The following NCOR2 variants were observed in gnomAD, a reference collection of about 807,000 sequenced individuals.
NCOR2 encodes the protein nuclear receptor corepressor 2.
In NCOR2, 81 loss-of-function variants were observed where a neutral mutation model predicts 262.9. The ratio of observed to expected loss-of-function variants is 0.31; its 90% CI spans 0.26 to 0.37. The LOEUF (loss-of-function observed/expected upper bound fraction) is 0.37, where lower values mean the gene tolerates loss of function less well. NCOR2 is among the 10% of genes least tolerant of loss of function. The pLI is 1.00. For synonymous variants in NCOR2, 1,659 were observed against 1,559.3 expected (o/e 1.06, Z -1.51); for missense variants, 3,385 against 3,621.4 (o/e 0.93, Z 1.68).
chr12:124,475,666 G>A (rs553572933), intron 3 of NCOR2, among the ~76,000 whole-genome samples: 3 of 152,370 alleles, frequency 2.0e-5, no homozygotes, highest in South Asian at 4.1e-4. Flanking sequence ...GCTGGAGTTT[G>A]CTGGCCTCCT....
exon 36 of NCOR2, chr12:124,340,325 C>A: frequency 1.2e-6 from 2 of 1,612,510 alleles, no homozygotes; most frequent in East Asian, 4.5e-5. Context: ...GCTCCACCGT[C>A]GTGGTGGACG....
chr12:124,451,295 T>A (rs2045516067), intron 6 of NCOR2, among the ~76,000 whole-genome samples: 1 of 152,182 alleles, frequency 6.6e-6, no homozygotes, highest in Admixed American at 6.5e-5. Flanking sequence ...TCAGCTGCCT[T>A]CCAGACAGGT....
At chr12:124,433,187 T>C (rs1353452596) in intron 8 of NCOR2, among the ~76,000 whole-genome samples, 2 of 152,130 alleles carry the variant, frequency 1.3e-5, no homozygotes, top group Admixed American at 1.3e-4. Context: ...ATGCAGGCTG[T>C]GCCAGGAACG....
chr12:124,489,946 T>G (rs1487175550), intron 1 of NCOR2, among the ~76,000 whole-genome samples: 1 of 152,110 alleles, frequency 6.6e-6, no homozygotes, highest in African/African-American at 2.4e-5. Context: ...AGGGAATGCC[T>G]GGGATTGCAC....
chr12:124,341,093 T>G (rs568865089), intron 34 of NCOR2, among the ~76,000 whole-genome samples: 3 of 152,350 alleles, frequency 2.0e-5, no homozygotes, highest in South Asian at 4.1e-4. Flanking sequence ...AATACTTAAG[T>G]GTGACTTCAG....
intron 13 of NCOR2, among the ~76,000 whole-genome samples, chr12:124,410,744 CA>C (rs2042532139): frequency 1.3e-5 from 2 of 152,170 alleles, no homozygotes; most frequent in Admixed American, 1.3e-4. Flanking sequence ...CCCTGAATAC[CA>C]ACACCCACCG....
intron 1 of NCOR2, among the ~76,000 whole-genome samples, chr12:124,525,345 G>A (rs1050535114): frequency 2.6e-5 from 4 of 152,164 alleles, no homozygotes; most frequent in African/African-American, 9.7e-5. Flanking sequence ...CCTAAAATGA[G>A]TCCCCCGAAA....
intron 1 of NCOR2, among the ~76,000 whole-genome samples, chr12:124,544,601 T>G (rs1359971711): frequency 6.6e-6 from 1 of 152,042 alleles, no homozygotes; most frequent in Non-Finnish European, 1.5e-5. Flanking sequence ...CCGCCCCCAC[T>G]CAAACCCCCA....
intron 13 of NCOR2, among the ~76,000 whole-genome samples, chr12:124,416,771 C>T (rs2042896031): frequency 2.7e-5 from 4 of 145,726 alleles, no homozygotes; most frequent in Admixed American, 2.7e-4. Flanking sequence ...GGAGTCCCCG[C>T]AGCACAGATA....
Position 124,531,077 on chromosome 12 carries a change from G to A in NCOR2, c.-118+4488C>T, listed in dbSNP as rs2050748138. ...CCAACCCGCCTCTCCCAGGGAAGCA[G>A]GGACAAAAGGATGGGGCCCTGTGGG... On this transcript the variant is annotated intron_variant, in intron 1 of 46. Transcript: ENST00000404621. This position sits in a 1 kb window ranked among gnomAD's most constrained non-coding sequence, Gnocchi z 4.5. 6.6e-6 allele frequency among the ~76,000 whole-genome samples: 1 copy of A among 152,240 alleles called. No individual in the cohort carries two copies. The highest frequency in any genetic ancestry group is 1.5e-5 in the Non-Finnish European group (1 of 68,040).
rs1277479379 is a variant in NCOR2, at chr12:124,531,528, G to A, written c.-118+4037C>T. ...GAGGGGTAGGGAGCAGGAAGGAAGG[G>A]GGAGGGGAGGAAGGGATTGCAGGGA... is the stretch of plus-strand genomic sequence containing the variant. On this transcript the variant is annotated intron_variant, in intron 1 of 46. Transcript: ENST00000404621. This position sits in a 1 kb window ranked among gnomAD's most constrained non-coding sequence, Gnocchi z 4.5. Among the ~76,000 whole-genome samples, 1 of 152,188 alleles carries A rather than the reference G, an allele frequency of 6.6e-6. No homozygotes were observed. Among genetic ancestry groups the A allele is most frequent in the Non-Finnish European group, 1.5e-5 (1 of 68,024 alleles).
intron 14 of NCOR2, among the ~76,000 whole-genome samples, chr12:124,401,745 T>C (rs920830936): frequency 3.3e-5 from 5 of 152,364 alleles, no homozygotes; most frequent in South Asian, 2.1e-4. Flanking sequence ...TTCCCATTCA[T>C]CTTCCTGAAA....
chr12:124,479,348 A>G (rs2047286627), intron 3 of NCOR2, among the ~76,000 whole-genome samples: 1 of 151,416 alleles, frequency 6.6e-6, no homozygotes, highest in Middle Eastern at 3.2e-3. Flanking sequence ...ACACACATAC[A>G]CACGTGCAAC....
chr12:124,499,940 G>T (rs12322603), upstream of NCOR2, among the ~76,000 whole-genome samples: 1 of 152,054 alleles, frequency 6.6e-6, no homozygotes, highest in Non-Finnish European at 1.5e-5. Flanking sequence ...ATGGGCAGGT[G>T]GATGAAAGTC....
upstream of NCOR2, among the ~76,000 whole-genome samples, chr12:124,536,553 A>G (rs760272593): frequency 6.6e-6 from 1 of 152,210 alleles, no homozygotes; most frequent in Non-Finnish European, 1.5e-5. Flanking sequence ...CCAATAAGAC[A>G]CGAAAAGATG....
intron 1 of NCOR2, among the ~76,000 whole-genome samples, chr12:124,516,632 T>C (rs1185674375): frequency 6.6e-6 from 1 of 151,698 alleles, no homozygotes; most frequent in Non-Finnish European, 1.5e-5. Flanking sequence ...CAGGCTGCAG[T>C]GCTACCACTG....
chr12:124,490,408 AGATGGATGGATGGATGGATG>A (rs750414709), intron 1 of NCOR2, among the ~76,000 whole-genome samples: 13 of 126,258 alleles, frequency 1.0e-4, no homozygotes, highest in Admixed American at 2.4e-4. Flanking sequence ...AGTATTTGCC[AGATGGATGGATGGATGGATG>A]GATGGATGGA....
At chr12:124,500,917 GGCTCT>G (rs1298767149) in intron 1 of NCOR2, among the ~76,000 whole-genome samples, 1 of 152,160 alleles carries the variant, frequency 6.6e-6, no homozygotes, top group Non-Finnish European at 1.5e-5. Flanking sequence ...AGGCACGCGG[GGCTCT>G]GCGCCGCACG....
At chr12:124,451,971 C>T (rs901245793) in intron 6 of NCOR2, among the ~76,000 whole-genome samples, 1 of 152,132 alleles carries the variant, frequency 6.6e-6, no homozygotes, top group Non-Finnish European at 1.5e-5. Context: ...CCACTGGGCT[C>T]GGGCAATTCC....
Sources: allele counts gnomAD v4.1 joint callset (sites outside exome capture counted in the v4.1 genomes callset), GRCh38; gene constraint gnomAD v4.1.1; non-coding constraint Gnocchi (gnomAD v3.1); transcripts MANE v1.5; gene names NCBI Gene and HGNC (gene_info 2026-07-23, HGNC 2026-07-21).